Variants in SMU1 observed in about 807,000 individuals in gnomAD.
SMU1 encodes WD40 repeat-containing protein SMU1.
SMU1 carries 2 observed loss-of-function variants against 62.0 expected under a neutral mutation model. The observed-to-expected ratio is 0.03, with a 90% CI of 0.01 to 0.10. The LOEUF is 0.10. Ranked by LOEUF, SMU1 falls within the 10% of genes least tolerant of loss-of-function variation. The probability of loss-of-function intolerance (pLI) is 1.00; values close to 1 mark genes in which losing one functional copy is unlikely to be tolerated. For missense variants in SMU1, 227 were observed against 622.1 expected (o/e 0.36, Z 6.76); for synonymous variants, 188 against 212.4 (o/e 0.89, Z 1.00).
chr9:33,057,524 C>T, intron 7 of SMU1, 74 bp downstream of exon 7: 1 of 1,543,594 alleles, frequency 6.5e-7, no homozygotes, highest in Non-Finnish European at 8.9e-7. Flanking sequence ...TGCTGAATAT[C>T]ATATGTAGGA....
At chr9:33,050,321 T>C (rs1411914174) in intron 10 of SMU1, among the ~76,000 whole-genome samples, 61 of 152,266 alleles carry the variant, frequency 4.0e-4, no homozygotes, top group South Asian at 2.1e-4. Context: ...TTGGAACAGT[T>C]TGATAGTTTC....
chr9:33,072,219 T>C (rs3780501), intron 2 of SMU1, among the ~76,000 whole-genome samples: 56,942 of 151,926 alleles, frequency 0.37, 10,890 homozygotes, highest in Non-Finnish European at 0.41. Context: ...TGCCTGTAAT[T>C]CCAGCTACTT....
chr9:33,075,303 G>A (rs527681742), intron 1 of SMU1, among the ~76,000 whole-genome samples: 144 of 152,302 alleles, frequency 9.5e-4, no homozygotes, highest in Non-Finnish European at 1.5e-3. Flanking sequence ...CGTGAACGTG[G>A]GAGGCGGTGC....
At chr9:33,059,584 C>CTGTTT (rs376541268) in intron 6 of SMU1, among the ~76,000 whole-genome samples, 3,049 of 146,300 alleles carry the variant, frequency 0.021, 105 homozygotes, top group African/African-American at 0.071. Flanking sequence ...GGGCGAAACT[C>CTGTTT]TGTTTTGTTT....
intron 4 of SMU1, among the ~76,000 whole-genome samples, chr9:33,063,407 G>A (rs758794708): frequency 3.3e-5 from 5 of 151,870 alleles, no homozygotes; most frequent in Non-Finnish European, 7.4e-5. Context: ...AATAATATAA[G>A]TGAAGCCTGT....
chr9:33,062,182 G>T lies in SMU1; in HGVS notation c.502-5C>A. On this transcript the variant is annotated splice_region_variant and splice_polypyrimidine_tract_variant and intron_variant, in intron 4 of 11. Coordinates refer to ENST00000397149, the MANE Select transcript of SMU1 (RefSeq NM_018225.3). Reference sequence around the variant, plus strand: ...ATGCTGCTGCCACTTCAGTGCCTATGAGGAAAAAAAAAAATATAGCAATCT... The same window carrying T: ...ATGCTGCTGCCACTTCAGTGCCTATTAGGAAAAAAAAAAATATAGCAATCT... 6.3e-7 allele frequency: 1 copy of T among 1,597,746 alleles called. No individual in the cohort carries two copies. Among genetic ancestry groups the T allele is most frequent in the South Asian group, 1.1e-5 (1 of 89,616 alleles).
intron 9 of SMU1, among the ~76,000 whole-genome samples, chr9:33,055,035 T>C (rs1839289197): frequency 1.3e-5 from 2 of 152,212 alleles, no homozygotes; most frequent in South Asian, 4.1e-4. Context: ...ATCCCATGAC[T>C]GAAGTACTAA....
chr9:33,049,590 G>T (rs1323673741), intron 10 of SMU1, among the ~76,000 whole-genome samples: 1 of 152,082 alleles, frequency 6.6e-6, no homozygotes. Context: ...TAACTGATAA[G>T]CTAGACTTCA....
At chr9:33,047,967 A>G (rs189102565) in intron 11 of SMU1, 139 bp downstream of exon 11, 3 of 663,968 alleles carry the variant, frequency 4.5e-6, no homozygotes. Context: ...TGAATTTGAC[A>G]TGGAGCTAAA....
intron 2 of SMU1, among the ~76,000 whole-genome samples, chr9:33,072,875 A>G (rs1179174058): frequency 2.0e-5 from 3 of 151,976 alleles, no homozygotes; most frequent in South Asian, 4.1e-4. Flanking sequence ...CCAAAAACCA[A>G]TTTCACTACT....
intron 4 of SMU1, 33 bp from the exon 5 acceptor site, chr9:33,062,210 T>G (rs937420996): frequency 6.3e-7 from 1 of 1,597,022 alleles, no homozygotes; most frequent in Non-Finnish European, 8.5e-7. Flanking sequence ...AGCAATCTGT[T>G]CAGGTGCTTT....
chr9:33,075,980 T>C (rs1300827278), intron 1 of SMU1, among the ~76,000 whole-genome samples: 1 of 152,158 alleles, frequency 6.6e-6, no homozygotes, highest in Non-Finnish European at 1.5e-5. Context: ...TCGGGCCTGA[T>C]AGTTGTTCAT....
At chr9:33,069,118 C>G (rs118026863) in intron 3 of SMU1, among the ~76,000 whole-genome samples, 184 bp from the exon 4 acceptor site, 12 of 152,296 alleles carry the variant, frequency 7.9e-5, no homozygotes, top group Non-Finnish European at 1.3e-4. Context: ...TGCCCGCTTG[C>G]ATTTCAAAAG....
chr9:33,071,279 C>A (rs1430214136), intron 3 of SMU1, among the ~76,000 whole-genome samples: 3 of 151,970 alleles, frequency 2.0e-5, no homozygotes, highest in Non-Finnish European at 4.4e-5. Flanking sequence ...CAGATAATAA[C>A]GTTTTGGAAG....
At chr9:33,070,148 C>G (rs899998503) in intron 3 of SMU1, among the ~76,000 whole-genome samples, 1 of 152,030 alleles carries the variant, frequency 6.6e-6, no homozygotes, top group African/African-American at 2.4e-5. Flanking sequence ...AACAACAAAA[C>G]CCAGAATATA....
At chr9:33,067,780 T>C (rs1393251653) in intron 4 of SMU1, among the ~76,000 whole-genome samples, 1 of 152,084 alleles carries the variant, frequency 6.6e-6, no homozygotes, top group Non-Finnish European at 1.5e-5. Flanking sequence ...ATTACAGGCA[T>C]GGGCCACCAC....
intron 4 of SMU1, among the ~76,000 whole-genome samples, chr9:33,065,364 C>T (rs1735655344): frequency 6.6e-6 from 1 of 152,182 alleles, no homozygotes; most frequent in African/African-American, 2.4e-5. Context: ...ACTTGCTCTT[C>T]ACATCTAACC....
chr9:33,056,514 T>A (rs1329835562), intron 8 of SMU1, among the ~76,000 whole-genome samples: 1 of 152,160 alleles, frequency 6.6e-6, no homozygotes, highest in Non-Finnish European at 1.5e-5. Context: ...GAGATTGAGA[T>A]CAGTGGGTCT....
At chr9:33,049,197 C>G (rs533351214) in intron 10 of SMU1, among the ~76,000 whole-genome samples, 1 of 152,200 alleles carries the variant, frequency 6.6e-6, no homozygotes, top group African/African-American at 2.4e-5. Context: ...AGTTGGAGGG[C>G]TCACAATACC....
Sources: allele counts gnomAD v4.1 joint callset (sites outside exome capture counted in the v4.1 genomes callset), GRCh38; gene constraint gnomAD v4.1.1; transcripts MANE v1.5; gene names NCBI Gene and HGNC (gene_info 2026-07-23, HGNC 2026-07-21).